The following TAOK1 variants were observed in gnomAD, a reference collection of about 807,000 sequenced individuals.
The protein encoded by TAOK1 is TAO kinase 1, also known as serine/threonine-protein kinase TAO1.
TAOK1 carries 21 observed loss-of-function variants against 138.3 expected under a neutral mutation model. The ratio of observed to expected loss-of-function variants is 0.15; its 90% CI spans 0.11 to 0.22. The LOEUF (loss-of-function observed/expected upper bound fraction) is 0.22, where lower values mean the gene tolerates loss of function less well. TAOK1 is among the 10% of genes least tolerant of loss of function. The pLI is 1.00. For missense variants in TAOK1, 651 were observed against 1,227.7 expected, an observed-to-expected ratio of 0.53 and a Z score of 7.02; for synonymous variants, 361 against 398.4, an observed-to-expected ratio of 0.91 and a Z score of 1.12.
chr17:29,451,361 C>A, intron 1 of TAOK1, 94 bp from the exon 2 acceptor site: 2 of 488,210 alleles, frequency 4.1e-6, no homozygotes, highest in Non-Finnish European at 3.3e-6. Flanking sequence ...AAATTCTAGA[C>A]ATGAGATAAA....
chr17:29,516,243 G>A (rs2031812235), intron 15 of TAOK1, among the ~76,000 whole-genome samples: 1 of 151,786 alleles, frequency 6.6e-6, no homozygotes, highest in Admixed American at 6.6e-5. Flanking sequence ...TTACAGGCGT[G>A]AGCCACCGCG....
At chr17:29,407,644 G>A (rs868136873) in intron 1 of TAOK1, among the ~76,000 whole-genome samples, 1 of 151,174 alleles carries the variant, frequency 6.6e-6, no homozygotes, top group Non-Finnish European at 1.5e-5. Context: ...ATGGGGTTTC[G>A]TCATGTTCCC....
At chr17:29,524,396 T>C (rs1567744033) in intron 17 of TAOK1, among the ~76,000 whole-genome samples, 1 of 152,348 alleles carries the variant, frequency 6.6e-6, no homozygotes, top group African/African-American at 2.4e-5. Context: ...GCTTGGGTGA[T>C]GGATAGGTGT....
At position 29,529,412 on chromosome 17, in the gene TAOK1, A is replaced by T. The variant is rs181633015; in HGVS notation, c.2149-995A>T. Among the ~76,000 whole-genome samples the T allele has an allele frequency of 1.5e-3, 224 of 152,250 alleles. 1 individual carries two copies. Among genetic ancestry groups the T allele is most frequent in the African/African-American group, 5.0e-3 (207 of 41,550 alleles). ...TGGAACCAGCCTGGGCAACATAGGG[A>T]AACTCCATCACTAACAACAACAACA... On this transcript the variant is annotated intron_variant, in intron 17 of 19. Coordinates refer to ENST00000261716, the MANE Select transcript of TAOK1 (RefSeq NM_020791.4).
chr17:29,433,299 C>T (rs1444148800), intron 1 of TAOK1, among the ~76,000 whole-genome samples: 2 of 151,674 alleles, frequency 1.3e-5, no homozygotes, highest in Admixed American at 6.6e-5. Context: ...GACGTGGTGG[C>T]GGGCATCTGT....
chr17:29,413,841 A>G (rs1905201557), intron 1 of TAOK1, among the ~76,000 whole-genome samples: 1 of 151,826 alleles, frequency 6.6e-6, no homozygotes, highest in African/African-American at 2.4e-5. Context: ...TACTTCATAA[A>G]AAAGGAATCG....
chr17:29,472,067 C>T (rs935025660), intron 3 of TAOK1, among the ~76,000 whole-genome samples: 1 of 152,138 alleles, frequency 6.6e-6, no homozygotes, highest in African/African-American at 2.4e-5. Context: ...ATATTGAACC[C>T]CCCAAAGTCA....
intron 16 of TAOK1, among the ~76,000 whole-genome samples, chr17:29,521,614 G>A (rs188270574): frequency 1.1e-4 from 16 of 152,210 alleles, no homozygotes; most frequent in African/African-American, 3.6e-4. Context: ...AGGGAGTCTC[G>A]CTCTGTCGCC....
chr17:29,506,194 C>G (rs926398201), intron 13 of TAOK1, among the ~76,000 whole-genome samples: 1 of 152,126 alleles, frequency 6.6e-6, no homozygotes, highest in Non-Finnish European at 1.5e-5. Flanking sequence ...TTCACAATAG[C>G]TAAGTCATGG....
chr17:29,412,480 C>A (rs1453403612), intron 1 of TAOK1, among the ~76,000 whole-genome samples: 7 of 115,882 alleles, frequency 6.0e-5, no homozygotes, highest in Non-Finnish European at 1.8e-5. Flanking sequence ...CCAACTGCTT[C>A]AGCTTATACT....
At chr17:29,430,181 C>T (rs1421045573) in intron 1 of TAOK1, among the ~76,000 whole-genome samples, 1 of 152,128 alleles carries the variant, frequency 6.6e-6, no homozygotes, top group African/African-American at 2.4e-5. Context: ...AACAAAAGAA[C>T]GAAAGCAGGG....
rs1393506701 is a variant in TAOK1 at position 29,393,878 on chromosome 17, A to T, written c.-95+2854A>T. On this transcript the variant is annotated intron_variant, in intron 1 of 19. Transcript: ENST00000261716. ...TGAGAGGTTTTAAAGAAGTACAGCA[A>T]TGTACAGAATCAGAAGTATGAGGGC... Among the ~76,000 whole-genome samples the T allele has an allele frequency of 2.0e-5, 3 of 152,186 alleles. No homozygotes were observed. In the South Asian group the frequency reaches 6.2e-4, roughly 31 times the overall value.
At chr17:29,451,940 G>T (rs2030249701) in intron 2 of TAOK1, among the ~76,000 whole-genome samples, 1 of 152,116 alleles carries the variant, frequency 6.6e-6, no homozygotes, top group Non-Finnish European at 1.5e-5. Context: ...TGTGGGCCAG[G>T]CTTGGTGGCT....
chr17:29,534,026 C>G (rs905448013), intron 18 of TAOK1, 92 bp from the exon 19 acceptor site: 25 of 1,345,016 alleles, frequency 1.9e-5, no homozygotes, highest in Non-Finnish European at 2.4e-5. Context: ...AGTAGTCTGT[C>G]TTCTAACACT....
intron 3 of TAOK1, among the ~76,000 whole-genome samples, chr17:29,468,995 T>C (rs574669911): frequency 7.9e-5 from 12 of 152,162 alleles, no homozygotes; most frequent in Non-Finnish European, 1.8e-4. Flanking sequence ...ACATTGAATG[T>C]ACTTTAGTTC....
At chr17:29,440,768 G>C (rs901522486) in intron 1 of TAOK1, among the ~76,000 whole-genome samples, 2 of 151,964 alleles carry the variant, frequency 1.3e-5, no homozygotes, top group Admixed American at 6.5e-5. Context: ...TAGAGATGAG[G>C]TTTCACCATG....
At position 29,525,990 on chromosome 17, in the gene TAOK1, C is replaced by T. The variant is rs143903201; in HGVS notation, c.2148+3471C>T. Among the ~76,000 whole-genome samples, 766 of 152,014 alleles carry T rather than the reference C, an allele frequency of 5.0e-3. 12 individuals carry two copies. Among genetic ancestry groups the T allele is most frequent in the African/African-American group, 0.018 (740 of 41,464 alleles). On this transcript the variant is annotated intron_variant, in intron 17 of 19. Transcript: ENST00000261716. ...CTAGCCTGGCGACAGAGCGAGACTC[C>T]GTCTCAAAAATTAAAAATAATGTCC...
At chr17:29,418,330 CA>C (rs1247975272) in intron 1 of TAOK1, among the ~76,000 whole-genome samples, 2 of 152,142 alleles carry the variant, frequency 1.3e-5, no homozygotes, top group African/African-American at 4.8e-5. Context: ...ACTGCAGGCA[CA>C]TGCCACCGTG....
chr17:29,451,408 T>C, intron 1 of TAOK1, 47 bp from the exon 2 acceptor site: 1 of 903,684 alleles, frequency 1.1e-6, no homozygotes, highest in East Asian at 2.7e-5. Flanking sequence ...CTAATTATTC[T>C]TAGCAGTTTT....
Sources: allele counts gnomAD v4.1 joint callset (sites outside exome capture counted in the v4.1 genomes callset), GRCh38; gene constraint gnomAD v4.1.1; transcripts MANE v1.5; gene names NCBI Gene and HGNC (gene_info 2026-07-23, HGNC 2026-07-21).